The following MARK1 variants were observed in gnomAD, a reference collection of about 807,000 sequenced individuals.
MARK1 encodes serine/threonine-protein kinase MARK1.
MARK1 carries 40 observed loss-of-function variants against 96.3 expected under a neutral mutation model. The observed-to-expected ratio is 0.42, with a 90% CI of 0.32 to 0.54. MARK1 has a LOEUF of 0.54. Ranked by LOEUF, MARK1 falls within the 20% of genes least tolerant of loss-of-function variation. The pLI is 0.16. For missense variants in MARK1, 719 were observed against 984.6 expected (o/e 0.73, Z 3.61); for synonymous variants, 317 against 341.2 (o/e 0.93, Z 0.78).
chr1:220,541,281 C>T (rs1661128698), intron 1 of MARK1, among the ~76,000 whole-genome samples: 1 of 152,064 alleles, frequency 6.6e-6, no homozygotes, highest in South Asian at 2.1e-4. Flanking sequence ...CGATAAACTT[C>T]CCTCTTAGTA....
chr1:220,594,392 G>C (rs1461794912), intron 3 of MARK1, among the ~76,000 whole-genome samples: 1 of 152,202 alleles, frequency 6.6e-6, no homozygotes, highest in Non-Finnish European at 1.5e-5. Flanking sequence ...CAAGTTTGTG[G>C]AGCAACAGGA....
chr1:220,600,537 C>A (rs763413873), intron 5 of MARK1, among the ~76,000 whole-genome samples: 8 of 152,142 alleles, frequency 5.3e-5, no homozygotes, highest in Non-Finnish European at 1.2e-4. Flanking sequence ...AGAAATGTGT[C>A]AGCTCAGAAT....
At chr1:220,625,672 CT>C in intron 9 of MARK1, 1 of 318,512 alleles carries the variant, frequency 3.1e-6, no homozygotes, top group Admixed American at 3.8e-5. Flanking sequence ...GTACTCTTCA[CT>C]TACCATTCCC....
At chr1:220,623,350 C>G (rs1667145661) in intron 9 of MARK1, among the ~76,000 whole-genome samples, 1 of 152,298 alleles carries the variant, frequency 6.6e-6, no homozygotes, top group East Asian at 1.9e-4. Flanking sequence ...TCTCTCTTCC[C>G]TTTCATGTAT....
chr1:220,597,789 GCTT>G (rs1311086096), intron 3 of MARK1, among the ~76,000 whole-genome samples: 2 of 152,056 alleles, frequency 1.3e-5, no homozygotes, highest in Non-Finnish European at 2.9e-5. Flanking sequence ...GTTTCAAGTC[GCTT>G]CTTGTCATTT....
chr1:220,635,637 C>T, intron 12 of MARK1, 108 bp downstream of exon 12: 1 of 1,294,744 alleles, frequency 7.7e-7, no homozygotes. Context: ...ATCTAGTTCT[C>T]ACAGACTTAT....
chr1:220,607,315 T>C (rs556133346), intron 6 of MARK1, among the ~76,000 whole-genome samples: 1 of 152,316 alleles, frequency 6.6e-6, no homozygotes, highest in South Asian at 2.1e-4. Flanking sequence ...ATGATTTGGC[T>C]CTCTGTTTGT....
chr1:220,558,306 T>G (rs1275685957), intron 1 of MARK1, among the ~76,000 whole-genome samples: 3 of 151,316 alleles, frequency 2.0e-5, no homozygotes, highest in Non-Finnish European at 2.9e-5. Context: ...AAAAACTGAA[T>G]GTATAACTTC....
chr1:220,607,137 AT>A (rs1278154923), intron 6 of MARK1, among the ~76,000 whole-genome samples: 1 of 152,076 alleles, frequency 6.6e-6, no homozygotes, highest in Non-Finnish European at 1.5e-5. Flanking sequence ...CACAATATTG[AT>A]TCTTCCTATC....
At chr1:220,542,284 T>C (rs542882048) in intron 1 of MARK1, among the ~76,000 whole-genome samples, 1 of 152,244 alleles carries the variant, frequency 6.6e-6, no homozygotes, top group Non-Finnish European at 1.5e-5. Flanking sequence ...ATTTAATATA[T>C]AGTAATTTGT....
In MARK1 at chr1:220,528,603, C is replaced by T; in HGVS notation, c.-220C>T. 2.0e-6 allele frequency: 1 copy of T among 492,794 alleles called. No homozygotes were observed. Among genetic ancestry groups the T allele is most frequent in the Non-Finnish European group, 3.6e-6 (1 of 280,714 alleles). The allele number at this position is 492,794 out of a possible 1,614,324, so 30.5% of individuals were successfully genotyped here. On this transcript the variant is annotated 5_prime_UTR_variant, in exon 1 of 18. Coordinates refer to ENST00000366917, the MANE Select transcript of MARK1 (RefSeq NM_018650.5). ...GCCCTCCCTCGTTACTGTCCGCATA[C>T]CCCGGCGGCGCCGCCGCGGGAAGCG...
intron 1 of MARK1, among the ~76,000 whole-genome samples, chr1:220,533,984 A>G (rs1660507503): frequency 6.6e-6 from 1 of 152,120 alleles, no homozygotes; most frequent in South Asian, 2.1e-4. Flanking sequence ...TCAGCTGTAT[A>G]TAACCCTGTT....
chr1:220,620,402 C>T (rs1666989613), intron 9 of MARK1, among the ~76,000 whole-genome samples: 1 of 152,054 alleles, frequency 6.6e-6, no homozygotes. Flanking sequence ...TTTTGTAATC[C>T]TGTTTTGTGA....
intron 1 of MARK1, among the ~76,000 whole-genome samples, chr1:220,537,021 C>T (rs1237684627): frequency 6.6e-6 from 1 of 150,778 alleles, no homozygotes; most frequent in African/African-American, 2.4e-5. Flanking sequence ...GGTACATGTA[C>T]AGGATTTGCA....
intron 11 of MARK1, among the ~76,000 whole-genome samples, chr1:220,633,949 A>G (rs1473225640): frequency 6.6e-6 from 1 of 152,210 alleles, no homozygotes; most frequent in Non-Finnish European, 1.5e-5. Context: ...AGTCTTCATT[A>G]GAGGGGAACA....
chr1:220,537,378 G>T (rs1379404751), intron 1 of MARK1, among the ~76,000 whole-genome samples: 1 of 151,222 alleles, frequency 6.6e-6, no homozygotes, highest in Non-Finnish European at 1.5e-5. Context: ...TGAGAATGAT[G>T]ATTTCCAGTT....
At position 220,599,835 on chromosome 1, in the gene MARK1, C is replaced by CT; in HGVS notation, c.397dup (p.Tyr133LeufsTer11). 6.2e-7 allele frequency: 1 copy of CT among 1,608,794 alleles called. No homozygotes were observed. The highest frequency in any genetic ancestry group is 8.5e-7 in the Non-Finnish European group (1 of 1,176,982). On this transcript the variant is annotated frameshift_variant, in exon 5 of 18. Coordinates refer to ENST00000366917, the MANE Select transcript of MARK1 (RefSeq NM_018650.5). LOFTEE classifies it high-confidence loss of function. ...AAGTTATTGAAACAGAGAAGACTCT[C>CT]TATTTAGTCATGGAATACGCGAGTG... is the stretch of plus-strand genomic sequence containing the variant.
intron 3 of MARK1, among the ~76,000 whole-genome samples, chr1:220,582,380 C>T (rs1664298635): frequency 6.6e-6 from 1 of 152,174 alleles, no homozygotes; most frequent in South Asian, 2.1e-4. Flanking sequence ...GAGAAAAAGA[C>T]ATCCTACCTG....
chr1:220,569,362 A>G (rs1313575638), intron 1 of MARK1, among the ~76,000 whole-genome samples: 1 of 152,106 alleles, frequency 6.6e-6, no homozygotes, highest in Non-Finnish European at 1.5e-5. Context: ...AAAATCAACT[A>G]CTGTCTTTTA....
Sources: allele counts gnomAD v4.1 joint callset (sites outside exome capture counted in the v4.1 genomes callset), GRCh38; gene constraint gnomAD v4.1.1; transcripts MANE v1.5; gene names NCBI Gene and HGNC (gene_info 2026-07-23, HGNC 2026-07-21).